The following NPR3 variants were observed in gnomAD, a reference collection of about 807,000 sequenced individuals.
NPR3 encodes natriuretic peptide receptor 3, also known as atrial natriuretic peptide receptor 3.
A neutral mutation model predicts 54.5 loss-of-function variants in NPR3; 34 were observed. That is an observed-to-expected ratio of 0.62 (90% confidence interval 0.47 to 0.83). The LOEUF is 0.83. Among genes scored for constraint, NPR3 ranks in the 40% least tolerant of loss-of-function variants. NPR3 has a pLI of 0.00. For synonymous variants in NPR3, 289 were observed against 297.1 expected, an observed-to-expected ratio of 0.97 and a Z score of 0.28; for missense variants, 674 against 720.8, an observed-to-expected ratio of 0.94 and a Z score of 0.74.
chr5:32,721,656 A>G (rs1377784101), intron 1 of NPR3, among the ~76,000 whole-genome samples: 1 of 152,170 alleles, frequency 6.6e-6, no homozygotes, highest in Non-Finnish European at 1.5e-5. Context: ...AAACAAATGA[A>G]CCAGCAAACA....
At chr5:32,704,370 TTGTGTGTGTG>T (rs57959913) in intron 1 of NPR3, among the ~76,000 whole-genome samples, 4 of 146,786 alleles carry the variant, frequency 2.7e-5, no homozygotes, top group Non-Finnish European at 6.0e-5. Flanking sequence ...TTTTGGCTCT[TTGTGTGTGTG>T]TGTGTGTGTG....
chr5:32,697,445 C>A (rs377079760), intron 1 of NPR3, among the ~76,000 whole-genome samples: 1 of 145,716 alleles, frequency 6.9e-6, no homozygotes. Context: ...AGTTTTCTTT[C>A]TTTTTTTTTT....
intron 3 of NPR3, among the ~76,000 whole-genome samples, chr5:32,761,193 A>T (rs918471326): frequency 1.3e-5 from 2 of 151,870 alleles, no homozygotes; most frequent in African/African-American, 4.8e-5. Flanking sequence ...TTGATTTAAG[A>T]ATCAACTTGT....
At chr5:32,718,522 T>G (rs902248463) in intron 1 of NPR3, among the ~76,000 whole-genome samples, 4 of 152,218 alleles carry the variant, frequency 2.6e-5, no homozygotes, top group Non-Finnish European at 5.9e-5. Flanking sequence ...TTATTTTATT[T>G]TCATTGAGCA....
In NPR3 at chr5:32,712,371, C is replaced by A; in HGVS notation, c.595C>A (p.Arg199Ser). ...LALFRHHHWSRAALVYSDDKL... is the reference protein window; with the variant it reads ...LALFRHHHWSSAALVYSDDKL... The stretch of plus-strand genomic sequence containing the variant: ...CCTGTTCCGCCACCACCACTGGAGC[C>A]GCGCTGCACTGGTCTACAGCGACGA... Residue 199 changes from arginine (R) to serine (S), a missense_variant, in exon 1 of 8, where the codon CGC becomes AGC. Transcript: ENST00000265074. The A allele has an allele frequency of 6.2e-7, 1 of 1,612,234 alleles. No homozygotes were observed.
intron 3 of NPR3, among the ~76,000 whole-genome samples, chr5:32,763,010 A>G (rs569781940): frequency 6.6e-6 from 1 of 152,294 alleles, no homozygotes; most frequent in African/African-American, 2.4e-5. Flanking sequence ...ATTTTTGTAT[A>G]AGGTATAAGG....
chr5:32,740,213 G>A (rs1182709511), intron 3 of NPR3, among the ~76,000 whole-genome samples: 1 of 152,214 alleles, frequency 6.6e-6, no homozygotes, highest in Non-Finnish European at 1.5e-5. Flanking sequence ...TGCCTTCTGA[G>A]TCTAGATCTA....
intron 4 of NPR3, among the ~76,000 whole-genome samples, chr5:32,776,794 A>C (rs931895008): frequency 1.3e-5 from 2 of 152,216 alleles, no homozygotes; most frequent in Non-Finnish European, 2.9e-5. Flanking sequence ...GAGGCAACAA[A>C]CAATGAATAC....
rs1431689650 is a variant in NPR3 at position 32,788,144 on chromosome 5, T to C, written c.*1799T>C. 1 of 152,260 alleles carries C rather than the reference T, an allele frequency of 6.6e-6. No individual in the cohort carries two copies. The highest frequency in any genetic ancestry group is 1.9e-4 in the East Asian group (1 of 5,198). The allele number at this position is 152,260 out of a possible 1,614,324, so 9.4% of individuals were successfully genotyped here. ...TTCTGTGTGAGGCACATTTCCCTTC[T>C]GTTGTTTAAGAAATGGGAGCTGGGA... On this transcript the variant is annotated 3_prime_UTR_variant, in exon 8 of 8. Transcript: ENST00000265074.
At position 32,739,047 on chromosome 5, in the gene NPR3, G is replaced by T; in HGVS notation, c.1059+17G>T. 1 of 1,612,448 alleles carries T rather than the reference G, an allele frequency of 6.2e-7. No homozygotes were observed. On this transcript the variant is annotated intron_variant, in intron 3 of 7. Coordinates refer to ENST00000265074, the MANE Select transcript of NPR3 (RefSeq NM_001204375.2). Reference sequence around the variant, plus strand: ...GAGGATTACGTAAGTGCCTGATTATGAGCCTAGACCTTTAGCATCCTGAAA... The same window carrying T: ...GAGGATTACGTAAGTGCCTGATTATTAGCCTAGACCTTTAGCATCCTGAAA...
chr5:32,712,283 T>G lies in NPR3; in HGVS notation c.507T>G (p.Ser169=). 1 of 1,613,120 alleles carries G rather than the reference T, an allele frequency of 6.2e-7. No homozygotes were observed. The highest frequency in any genetic ancestry group is 2.2e-5 in the East Asian group (1 of 44,860). Residue 169 remains serine (S), a synonymous_variant, in exon 1 of 8, where the codon TCT becomes TCG. Transcript: ENST00000265074. ...ALAAGFQHKD[S]EYSHLTRVAP... Reference sequence around the variant, plus strand: ...CCGCTGGCTTCCAGCACAAGGACTCTGAGTACTCGCACCTCACGCGCGTGG... The same window carrying G: ...CCGCTGGCTTCCAGCACAAGGACTCGGAGTACTCGCACCTCACGCGCGTGG...
intron 2 of NPR3, among the ~76,000 whole-genome samples, chr5:32,727,252 G>A (rs1025454891): frequency 6.6e-6 from 1 of 151,974 alleles, no homozygotes; most frequent in Non-Finnish European, 1.5e-5. Context: ...TCAGCCTCCT[G>A]AGTAGCTGGG....
At chr5:32,750,485 AG>A (rs1366849420) in intron 3 of NPR3, among the ~76,000 whole-genome samples, 1 of 152,090 alleles carries the variant, frequency 6.6e-6, no homozygotes, top group African/African-American at 2.4e-5. Flanking sequence ...TTAGACTTGT[AG>A]GTTTATGTCT....
upstream of NPR3, among the ~76,000 whole-genome samples, chr5:32,708,010 A>AC (rs1286142581): frequency 2.0e-5 from 3 of 149,680 alleles, no homozygotes; most frequent in East Asian, 3.9e-4. Context: ...AAAAAAAAAA[A>AC]AAAAAACAAC....
chr5:32,769,774 A>G (rs1463347076), intron 3 of NPR3, among the ~76,000 whole-genome samples: 2 of 152,218 alleles, frequency 1.3e-5, no homozygotes, highest in East Asian at 3.8e-4. Context: ...GTTATCCAGC[A>G]ACCCCAAGAG....
At chr5:32,775,550 C>G (rs1304001902) in intron 4 of NPR3, among the ~76,000 whole-genome samples, 2 of 152,014 alleles carry the variant, frequency 1.3e-5, no homozygotes, top group African/African-American at 4.8e-5. Flanking sequence ...CCCATCTCAG[C>G]CTTCCAAAGT....
At chr5:32,710,644 C>T (rs1738159188), upstream of NPR3, 2 of 1,476,530 alleles carry the variant, frequency 1.4e-6, no homozygotes, top group African/African-American at 1.4e-5. Flanking sequence ...CCGGGCCAGC[C>T]GGGCACACCA....
At chr5:32,726,663 T>C (rs943891165) in intron 2 of NPR3, among the ~76,000 whole-genome samples, 6 of 152,238 alleles carry the variant, frequency 3.9e-5, no homozygotes, top group Non-Finnish European at 8.8e-5. Context: ...ATATAAATGT[T>C]AGGTACTAGA....
chr5:32,734,277 A>G (rs991054262), intron 2 of NPR3, among the ~76,000 whole-genome samples: 1 of 152,160 alleles, frequency 6.6e-6, no homozygotes, highest in Non-Finnish European at 1.5e-5. Flanking sequence ...CTGTGGGGCC[A>G]GGCCAGGTGA....
Sources: allele counts gnomAD v4.1 joint callset (sites outside exome capture counted in the v4.1 genomes callset), GRCh38; gene constraint gnomAD v4.1.1; transcripts MANE v1.5; gene names NCBI Gene and HGNC (gene_info 2026-07-23, HGNC 2026-07-21).